The following GALK2 variants were observed in gnomAD, a reference collection of about 807,000 sequenced individuals.
GALK2 encodes the protein N-acetylgalactosamine kinase.
Under a neutral mutation model 52.4 loss-of-function variants are expected in GALK2, and 36 were observed. The ratio of observed to expected loss-of-function variants is 0.69; its 90% confidence interval spans 0.53 to 0.91. The LOEUF (loss-of-function observed/expected upper bound fraction) is 0.91, where lower values mean the gene tolerates loss of function less well. Among genes scored for constraint, GALK2 ranks in the 40% least tolerant of loss-of-function variants. The probability of loss-of-function intolerance (pLI) is 0.00; values close to 1 mark genes in which losing one functional copy is unlikely to be tolerated. For missense variants in GALK2, 579 were observed against 559.1 expected (o/e 1.04, Z -0.36); for synonymous variants, 176 against 199.1 (o/e 0.88, Z 0.98).
chr15:49,230,999 G>T (rs1192985899), intron 3 of GALK2, among the ~76,000 whole-genome samples: 1 of 151,246 alleles, frequency 6.6e-6, no homozygotes, highest in African/African-American at 2.4e-5. Context: ...TCAAAAAGCA[G>T]TTTTTTTTTG....
chr15:49,234,556 C>T (rs2090686844), intron 3 of GALK2, among the ~76,000 whole-genome samples: 1 of 152,108 alleles, frequency 6.6e-6, no homozygotes, highest in Non-Finnish European at 1.5e-5. Flanking sequence ...TCTTACATGG[C>T]AGCGGGCAAA....
chr15:49,220,285 C>G (rs1460711128), intron 3 of GALK2, among the ~76,000 whole-genome samples: 1 of 152,042 alleles, frequency 6.6e-6, no homozygotes, highest in Non-Finnish European at 1.5e-5. Flanking sequence ...TTCCTCACCT[C>G]TATTATCTAT....
chr15:49,359,834 C>T (rs868243005), intron 3 of GALK2, among the ~76,000 whole-genome samples: 31 of 138,692 alleles, frequency 2.2e-4, no homozygotes, highest in African/African-American at 8.2e-4. Flanking sequence ...GACTTGGAAC[C>T]AACCCAAATG....
intron 1 of GALK2, among the ~76,000 whole-genome samples, chr15:49,187,573 A>C (rs1235878256): frequency 6.6e-6 from 1 of 152,152 alleles, no homozygotes; most frequent in Non-Finnish European, 1.5e-5. Flanking sequence ...CAGGGCATAG[A>C]GTAAGGAACC....
upstream of GALK2, among the ~76,000 whole-genome samples, chr15:49,168,409 A>G (rs928308530): frequency 6.6e-6 from 1 of 152,204 alleles, no homozygotes; most frequent in Non-Finnish European, 1.5e-5. Flanking sequence ...AGAATATATT[A>G]GAAACATCTG....
intron 3 of GALK2, among the ~76,000 whole-genome samples, chr15:49,351,629 T>C (rs775235225): frequency 6.6e-6 from 1 of 152,174 alleles, no homozygotes; most frequent in Non-Finnish European, 1.5e-5. Context: ...AAGACAAAGA[T>C]CAGCGTGTAG....
chr15:49,271,481 C>T (rs1188949262), intron 5 of GALK2, among the ~76,000 whole-genome samples: 1 of 152,164 alleles, frequency 6.6e-6, no homozygotes, highest in Non-Finnish European at 1.5e-5. Flanking sequence ...TTTTGGGATC[C>T]TGGTCTACTC....
intron 3 of GALK2, among the ~76,000 whole-genome samples, chr15:49,223,328 A>G (rs1225924288): frequency 6.6e-6 from 1 of 152,042 alleles, no homozygotes; most frequent in African/African-American, 2.4e-5. Context: ...CTTCTTTTCA[A>G]ATAATCAACT....
downstream of GALK2, among the ~76,000 whole-genome samples, chr15:49,335,945 T>C (rs1246662772): frequency 3.9e-5 from 6 of 152,186 alleles, no homozygotes; most frequent in Non-Finnish European, 7.3e-5. Flanking sequence ...CTCAAACTCC[T>C]GGGCTCAAAG....
At chr15:49,198,163 G>A (rs549771110) in intron 1 of GALK2, among the ~76,000 whole-genome samples, 2 of 152,238 alleles carry the variant, frequency 1.3e-5, no homozygotes, top group East Asian at 3.9e-4. Context: ...CTCATTGCTT[G>A]TGATGTATTC....
At position 49,180,301 on chromosome 15, in the gene GALK2, C is replaced by T. The variant is rs186556528; in HGVS notation, c.53+9926C>T. On this transcript the variant is annotated intron_variant, in intron 1 of 9. Coordinates refer to ENST00000560031, the MANE Select transcript of GALK2 (RefSeq NM_002044.4). ...ATTTTCACAGGCAGAAACATTAACC[C>T]CTATTAAGGCTAGCAGGATTATCTA... 7.9e-5 allele frequency among the ~76,000 whole-genome samples: 12 copies of T among 152,182 alleles called. No homozygotes were observed. In the East Asian group the frequency reaches 2.3e-3, roughly 29 times the overall value.
At chr15:49,295,394 G>T (rs1318310487) in intron 8 of GALK2, among the ~76,000 whole-genome samples, 1 of 151,672 alleles carries the variant, frequency 6.6e-6, no homozygotes, top group Non-Finnish European at 1.5e-5. Context: ...TGTCTGGTGT[G>T]ATAGCAAGAT....
intron 2 of GALK2, among the ~76,000 whole-genome samples, chr15:49,216,779 C>CATGGCTGCACT (rs2089413923): frequency 6.6e-6 from 1 of 152,218 alleles, no homozygotes; most frequent in South Asian, 2.1e-4. Flanking sequence ...TTTTCTGTAA[C>CATGGCTGCACT]ATGGCTGCAC....
intron 3 of GALK2, among the ~76,000 whole-genome samples, chr15:49,230,906 A>G (rs566640206): frequency 6.6e-5 from 10 of 152,354 alleles, no homozygotes; most frequent in South Asian, 4.1e-4. Context: ...ATTGGTGGGA[A>G]AATGAGTGGT....
At chr15:49,348,371 G>A (rs980474731) in intron 3 of GALK2, among the ~76,000 whole-genome samples, 8 of 151,968 alleles carry the variant, frequency 5.3e-5, no homozygotes, top group African/African-American at 1.7e-4. Flanking sequence ...GAATATCTAA[G>A]TCCTTCATAT....
intron 1 of GALK2, among the ~76,000 whole-genome samples, chr15:49,176,313 G>A (rs942593884): frequency 7.9e-5 from 12 of 152,150 alleles, no homozygotes; most frequent in African/African-American, 2.9e-4. Flanking sequence ...TAAATTCTTG[G>A]TAAACAAGTT....
intron 1 of GALK2, among the ~76,000 whole-genome samples, chr15:49,181,837 AT>A (rs903995117): frequency 3.3e-5 from 5 of 151,580 alleles, no homozygotes; most frequent in South Asian, 2.1e-4. Context: ...CTCTGTTTTA[AT>A]TTTTTTTAAT....
At chr15:49,367,456 G>C in intron 3 of GALK2, 1 of 1,577,288 alleles carries the variant, frequency 6.3e-7, no homozygotes, top group Non-Finnish European at 8.5e-7. Flanking sequence ...ATGGTTCCTG[G>C]AATATCTTAG....
At chr15:49,241,328 G>A (rs923036923) in intron 5 of GALK2, among the ~76,000 whole-genome samples, 1 of 152,148 alleles carries the variant, frequency 6.6e-6, no homozygotes, top group Admixed American at 6.5e-5. Flanking sequence ...GAAAGATAAG[G>A]AAAACTAGGA....
Sources: allele counts gnomAD v4.1 joint callset (sites outside exome capture counted in the v4.1 genomes callset), GRCh38; gene constraint gnomAD v4.1.1; transcripts MANE v1.5; gene names NCBI Gene and HGNC (gene_info 2026-07-23, HGNC 2026-07-21).